Variants in COL22A1 observed in about 807,000 individuals in gnomAD.
COL22A1 encodes the protein collagen type XXII alpha 1 chain, also known as collagen alpha-1(XXII) chain.
A neutral mutation model predicts 248.9 loss-of-function variants in COL22A1; 221 were observed. The ratio of observed to expected loss-of-function variants is 0.89; its 90% CI spans 0.80 to 0.99. COL22A1 has a LOEUF of 0.99. Among genes scored for constraint, COL22A1 ranks in the 50% least tolerant of loss-of-function variants. The pLI, the probability that COL22A1 is intolerant of heterozygous loss-of-function variation, is 0.00. For missense variants in COL22A1, 2,240 were observed against 2,179.0 expected (o/e 1.03, Z -0.56); for synonymous variants, 891 against 793.4 (o/e 1.12, Z -2.07).
intron 1 of COL22A1, among the ~76,000 whole-genome samples, chr8:138,900,111 C>T (rs192549198): frequency 2.6e-5 from 4 of 152,192 alleles, no homozygotes; most frequent in East Asian, 3.9e-4. Flanking sequence ...AGTGAAAAAA[C>T]ATGCCAAAGA....
rs540987973 is a variant in COL22A1, at chr8:138,600,478, G to A, written c.4186-1580C>T. Among the ~76,000 whole-genome samples, 316 of 152,258 alleles carry A rather than the reference G, an allele frequency of 2.1e-3. 1 individual carries two copies. Among genetic ancestry groups the A allele is most frequent in the African/African-American group, 7.4e-3 (308 of 41,526 alleles). ...GATAACGTCTGACATGCTCAGAGTG[G>A]GGAGGGGGTTAAATACAAGGTAAAT... is the stretch of plus-strand genomic sequence containing the variant. On this transcript the variant is annotated intron_variant, in intron 60 of 64. Transcript: ENST00000303045.
chr8:138,773,913 C>T (rs1834602542), intron 16 of COL22A1, among the ~76,000 whole-genome samples: 1 of 152,214 alleles, frequency 6.6e-6, no homozygotes, highest in Non-Finnish European at 1.5e-5. Context: ...TGCTGCGGGG[C>T]AGTTCCTCAA....
At position 138,699,487 on chromosome 8, in the gene COL22A1, A is replaced by G. The variant is rs978796163; in HGVS notation, c.2592+625T>C. 3.9e-5 allele frequency among the ~76,000 whole-genome samples: 6 copies of G among 152,262 alleles called. No individual in the cohort carries two copies. In the East Asian group the frequency reaches 1.2e-3, roughly 29 times the overall value. On this transcript the variant is annotated intron_variant, in intron 32 of 64. Coordinates refer to ENST00000303045, the MANE Select transcript of COL22A1 (RefSeq NM_152888.3). ...ATGGCATGTTTTCTGGCTTCAGCCT[A>G]CAGCATAAAGAGATCCTGAAAACAC...
At chr8:138,607,225 G>C (rs191306254) in intron 57 of COL22A1, among the ~76,000 whole-genome samples, 28 of 152,156 alleles carry the variant, frequency 1.8e-4, no homozygotes, top group African/African-American at 6.8e-4. Context: ...TCAGCCCATT[G>C]CCCGGTACAA....
chr8:138,856,269 T>G (rs2131930055), intron 3 of COL22A1, among the ~76,000 whole-genome samples: 1 of 152,336 alleles, frequency 6.6e-6, no homozygotes, highest in South Asian at 2.1e-4. Context: ...TCTGCATGTG[T>G]GTGCAGGGCT....
chr8:138,770,164 C>T (rs1287016636), intron 16 of COL22A1, among the ~76,000 whole-genome samples: 1 of 152,186 alleles, frequency 6.6e-6, no homozygotes, highest in Non-Finnish European at 1.5e-5. Flanking sequence ...GAGGCCCCTC[C>T]TTGCTCTGAG....
At chr8:138,744,563 G>T (rs1454904864) in intron 22 of COL22A1, among the ~76,000 whole-genome samples, 1 of 152,060 alleles carries the variant, frequency 6.6e-6, no homozygotes, top group Non-Finnish European at 1.5e-5. Flanking sequence ...CAGATCTCAT[G>T]CCCCAGGTAT....
chr8:138,737,720 G>A, intron 22 of COL22A1, 143 bp from the exon 23 acceptor site: 1 of 613,418 alleles, frequency 1.6e-6, no homozygotes, highest in Non-Finnish European at 2.9e-6. Context: ...GTGCCCCACA[G>A]AGGAACAATG....
chr8:138,828,949 G>A (rs1819811408), intron 5 of COL22A1, among the ~76,000 whole-genome samples: 1 of 152,132 alleles, frequency 6.6e-6, no homozygotes, highest in African/African-American at 2.4e-5. Context: ...TGGGGGCTGG[G>A]GGCTGCCTCA....
chr8:138,616,210 C>T (rs561379302), intron 54 of COL22A1, among the ~76,000 whole-genome samples, 156 bp from the exon 55 acceptor site: 32 of 152,236 alleles, frequency 2.1e-4, no homozygotes, highest in South Asian at 6.2e-4. Context: ...AGGTCTGTGG[C>T]GGCCCTGAGT....
chr8:138,848,412 T>C (rs1253296218), intron 3 of COL22A1, among the ~76,000 whole-genome samples: 2 of 152,156 alleles, frequency 1.3e-5, no homozygotes, highest in African/African-American at 4.8e-5. Flanking sequence ...CACCACGAAT[T>C]TACTGTGGTC....
At chr8:138,667,559 C>T (rs2130739970) in intron 41 of COL22A1, among the ~76,000 whole-genome samples, 1 of 152,236 alleles carries the variant, frequency 6.6e-6, no homozygotes, top group South Asian at 2.1e-4. Flanking sequence ...CTAATTGGTC[C>T]TTTTTGCAAG....
chr8:138,759,197 G>A (rs1158311349), intron 18 of COL22A1, among the ~76,000 whole-genome samples: 1 of 152,204 alleles, frequency 6.6e-6, no homozygotes, highest in Non-Finnish European at 1.5e-5. Flanking sequence ...GCTGAGGTCT[G>A]TGTCAGCCCG....
At chr8:138,603,019 C>G (rs546162616) in intron 59 of COL22A1, among the ~76,000 whole-genome samples, 42 of 152,264 alleles carry the variant, frequency 2.8e-4, no homozygotes, top group Admixed American at 4.6e-4. Context: ...AAATTCAGCC[C>G]GGGGGCTCTT....
intron 35 of COL22A1, among the ~76,000 whole-genome samples, chr8:138,692,196 G>A (rs1372773145): frequency 3.1e-4 from 45 of 144,398 alleles, no homozygotes; most frequent in Admixed American, 1.6e-3. Context: ...ACGTGCATGT[G>A]TGCATGTTTG....
chr8:138,796,792 G>A, intron 12 of COL22A1, 27 bp downstream of exon 12: 2 of 1,510,376 alleles, frequency 1.3e-6, no homozygotes, highest in Non-Finnish European at 1.8e-6. Flanking sequence ...TTCCCTTGGA[G>A]GAGTGTGATA....
intron 22 of COL22A1, among the ~76,000 whole-genome samples, chr8:138,747,044 T>C (rs1832174351): frequency 2.0e-5 from 3 of 152,230 alleles, no homozygotes; most frequent in Admixed American, 2.0e-4. Context: ...CATTATTTGA[T>C]GCAGCTTCAA....
intron 16 of COL22A1, among the ~76,000 whole-genome samples, chr8:138,771,461 T>C (rs1834361041): frequency 6.6e-6 from 1 of 152,138 alleles, no homozygotes; most frequent in Non-Finnish European, 1.5e-5. Context: ...TCAGGAGTTC[T>C]CCCCCGGCTT....
intron 26 of COL22A1, 54 bp from the exon 27 acceptor site, chr8:138,720,846 CA>C (rs34929697): frequency 0.39 from 542,613 of 1,401,182 alleles, 110,003 homozygotes; most frequent in Non-Finnish European, 0.41. Context: ...TTGGATTAAA[CA>C]ACACAAAGTA....
Sources: allele counts gnomAD v4.1 joint callset (sites outside exome capture counted in the v4.1 genomes callset), GRCh38; gene constraint gnomAD v4.1.1; transcripts MANE v1.5; gene names NCBI Gene and HGNC (gene_info 2026-07-23, HGNC 2026-07-21).